Variants in GPC6 observed in about 807,000 individuals in gnomAD.
GPC6 encodes glypican-6.
GPC6 carries 14 observed loss-of-function variants against 55.2 expected under a neutral mutation model. That is an observed-to-expected ratio of 0.25 (90% CI 0.17 to 0.40). GPC6 has a LOEUF of 0.40. Among genes scored for constraint, GPC6 ranks in the 10% least tolerant of loss-of-function variants. GPC6 has a pLI of 1.00. For missense variants in GPC6, 641 were observed against 708.5 expected, an observed-to-expected ratio of 0.90 and a Z score of 1.08; for synonymous variants, 278 against 259.6, an observed-to-expected ratio of 1.07 and a Z score of -0.68.
At chr13:93,930,616 A>G (rs61105322) in intron 3 of GPC6, among the ~76,000 whole-genome samples, 4,942 of 152,034 alleles carry the variant, frequency 0.033, 296 homozygotes, top group African/African-American at 0.11. Flanking sequence ...CTGTACACAC[A>G]TATTACCAAA....
intron 4 of GPC6, among the ~76,000 whole-genome samples, chr13:94,278,379 C>A (rs1223658053): frequency 2.0e-5 from 3 of 152,164 alleles, no homozygotes; most frequent in Non-Finnish European, 4.4e-5. Context: ...ATGTCTTCTG[C>A]AAACAGAGAC....
At chr13:93,361,961 G>C (rs1281873746) in intron 1 of GPC6, among the ~76,000 whole-genome samples, 1 of 152,182 alleles carries the variant, frequency 6.6e-6, no homozygotes, top group Non-Finnish European at 1.5e-5. Context: ...TCTTTCACTT[G>C]TGACTGGATG....
chr13:93,775,794 G>A (rs1430738021), intron 2 of GPC6, among the ~76,000 whole-genome samples: 1 of 150,036 alleles, frequency 6.7e-6, no homozygotes, highest in Non-Finnish European at 1.5e-5. Flanking sequence ...CAAAGCAGAA[G>A]TTGGCGAATG....
In GPC6 at chr13:94,315,605, TAGAG is replaced by T. The variant is rs984495363; in HGVS notation, c.1152+9488_1152+9491del. ...GACATATGTTCCTATGTGCCTCACATAGAGAGAGAAAAAGGACATGTTAGTGAAC... is the reference window on the plus strand; with the variant it reads ...GACATATGTTCCTATGTGCCTCACATAGAGAAAAAGGACATGTTAGTGAAC... On this transcript the variant is annotated intron_variant, in intron 6 of 8. Transcript: ENST00000377047. Among the ~76,000 whole-genome samples the T allele has an allele frequency of 3.9e-5, 6 of 152,148 alleles. No individual in the cohort carries two copies. The South Asian group carries it at 6.2e-4, about 16-fold the overall frequency.
At chr13:93,354,585 C>T (rs1009483323) in intron 1 of GPC6, among the ~76,000 whole-genome samples, 11 of 148,446 alleles carry the variant, frequency 7.4e-5, no homozygotes, top group Admixed American at 4.0e-4. Flanking sequence ...AGGATGGTCT[C>T]GATCTCCTGA....
chr13:94,061,795 A>G (rs1419591691), intron 4 of GPC6, among the ~76,000 whole-genome samples: 12 of 109,220 alleles, frequency 1.1e-4, no homozygotes, highest in Middle Eastern at 4.9e-3. Context: ...GCCCTGGGGG[A>G]AAAAAAAAAA....
chr13:94,070,462 C>T (rs544085429), intron 4 of GPC6, among the ~76,000 whole-genome samples: 47 of 152,122 alleles, frequency 3.1e-4, no homozygotes, highest in African/African-American at 1.1e-3. Context: ...AAATTGTATT[C>T]CACTAGATGG....
At chr13:94,212,003 C>A (rs1890094223) in intron 4 of GPC6, among the ~76,000 whole-genome samples, 1 of 152,196 alleles carries the variant, frequency 6.6e-6, no homozygotes, top group South Asian at 2.1e-4. Flanking sequence ...CTCTCCTACA[C>A]ACATCTCGTT....
At chr13:94,234,398 A>C (rs1229823257) in intron 4 of GPC6, among the ~76,000 whole-genome samples, 1 of 152,086 alleles carries the variant, frequency 6.6e-6, no homozygotes, top group Non-Finnish European at 1.5e-5. Flanking sequence ...AGACCACCTC[A>C]TGATCACTGG....
At chr13:94,225,451 T>C (rs1890520516) in intron 4 of GPC6, among the ~76,000 whole-genome samples, 1 of 152,124 alleles carries the variant, frequency 6.6e-6, no homozygotes, top group Non-Finnish European at 1.5e-5. Flanking sequence ...AACTGATGTC[T>C]TATCCTTCTT....
At chr13:93,824,624 C>T (rs1484549046) in intron 2 of GPC6, among the ~76,000 whole-genome samples, 1 of 151,540 alleles carries the variant, frequency 6.6e-6, no homozygotes, top group African/African-American at 2.4e-5. Context: ...ATATTATATG[C>T]GTAGGTACAC....
At chr13:93,972,770 A>T (rs763400452) in intron 3 of GPC6, among the ~76,000 whole-genome samples, 1 of 152,164 alleles carries the variant, frequency 6.6e-6, no homozygotes, top group Non-Finnish European at 1.5e-5. Context: ...CTTCACCCCA[A>T]TGAGATGCAA....
chr13:94,119,769 G>A (rs1327786929), intron 4 of GPC6, among the ~76,000 whole-genome samples: 1 of 152,070 alleles, frequency 6.6e-6, no homozygotes, highest in Non-Finnish European at 1.5e-5. Flanking sequence ...CAGTATGCTA[G>A]TAAATGTTTA....
intron 1 of GPC6, among the ~76,000 whole-genome samples, chr13:93,419,576 C>A (rs2813613): frequency 0.96 from 145,545 of 152,178 alleles, 69,937 homozygotes; most frequent in East Asian, 1. Context: ...TGAAACACAA[C>A]GGAAATGTGT....
chr13:94,229,692 C>A (rs756044611), intron 4 of GPC6, among the ~76,000 whole-genome samples: 1 of 152,168 alleles, frequency 6.6e-6, no homozygotes, highest in Non-Finnish European at 1.5e-5. Flanking sequence ...GACTTACAAA[C>A]AACCAGACCT....
At chr13:93,903,219 G>A (rs1876461629) in intron 3 of GPC6, among the ~76,000 whole-genome samples, 1 of 152,136 alleles carries the variant, frequency 6.6e-6, no homozygotes, top group African/African-American at 2.4e-5. Flanking sequence ...GAGATAAATG[G>A]AGTTACATAC....
intron 4 of GPC6, among the ~76,000 whole-genome samples, chr13:94,210,425 G>A (rs1175253721): frequency 6.6e-6 from 1 of 152,060 alleles, no homozygotes; most frequent in Admixed American, 6.5e-5. Context: ...CGAAAGTGCT[G>A]GGATTACAGG....
intron 1 of GPC6, among the ~76,000 whole-genome samples, chr13:93,450,144 A>G (rs1878171155): frequency 6.6e-6 from 1 of 152,106 alleles, no homozygotes; most frequent in South Asian, 2.1e-4. Context: ...CCACCACTGG[A>G]GTTTTTTTCT....
intron 1 of GPC6, among the ~76,000 whole-genome samples, chr13:93,431,654 A>G (rs961209082): frequency 1.3e-5 from 2 of 152,150 alleles, no homozygotes; most frequent in African/African-American, 4.8e-5. Flanking sequence ...CATATGACAT[A>G]TGAAAGCCAT....
Sources: allele counts gnomAD v4.1 joint callset (sites outside exome capture counted in the v4.1 genomes callset), GRCh38; gene constraint gnomAD v4.1.1; transcripts MANE v1.5; gene names NCBI Gene and HGNC (gene_info 2026-07-23, HGNC 2026-07-21).